TJP2: variants seen among roughly 807,000 people sequenced by gnomAD.
TJP2 encodes the protein tight junction protein 2.
Under a neutral mutation model 133.1 loss-of-function variants are expected in TJP2, and 91 were observed. That is an observed-to-expected ratio of 0.68 (90% confidence interval 0.58 to 0.81). The LOEUF is 0.81. TJP2 is among the 40% of genes least tolerant of loss of function. The pLI, the probability that TJP2 is intolerant of heterozygous loss-of-function variation, is 0.00. For synonymous variants in TJP2, 592 were observed against 583.4 expected (o/e 1.01, Z -0.21); for missense variants, 1,541 against 1,565.6 (o/e 0.98, Z 0.26).
At chr9:69,122,704 G>T (rs1352749021) in intron 1 of TJP2, among the ~76,000 whole-genome samples, 1 of 152,126 alleles carries the variant, frequency 6.6e-6, no homozygotes, top group Non-Finnish European at 1.5e-5. Context: ...TTTGCACGAG[G>T]GCTTTCTGCG....
At chr9:69,206,479 C>T (rs190247036) in intron 1 of TJP2, among the ~76,000 whole-genome samples, 11 of 152,294 alleles carry the variant, frequency 7.2e-5, no homozygotes, top group African/African-American at 1.9e-4. Flanking sequence ...TAAATATACT[C>T]GTACCTCTTG....
chr9:69,169,677 A>G (rs979499359), upstream of TJP2, among the ~76,000 whole-genome samples: 17 of 151,988 alleles, frequency 1.1e-4, no homozygotes, highest in African/African-American at 4.1e-4. Context: ...TAAACTTTTC[A>G]GTGTTAGTTT....
chr9:69,165,784 G>C (rs568460462), intron 2 of TJP2, among the ~76,000 whole-genome samples: 3 of 152,182 alleles, frequency 2.0e-5, no homozygotes, highest in Non-Finnish European at 4.4e-5. Context: ...GTCCTGCCAG[G>C]AAGAAGTGCT....
intron 1 of TJP2, among the ~76,000 whole-genome samples, chr9:69,194,827 A>C (rs1826433866): frequency 6.6e-6 from 1 of 152,198 alleles, no homozygotes; most frequent in Non-Finnish European, 1.5e-5. Context: ...TATTTTTAAC[A>C]GGCTCCCAGG....
intron 1 of TJP2, among the ~76,000 whole-genome samples, chr9:69,185,282 GAACTCC>G: frequency 6.6e-6 from 1 of 152,040 alleles, no homozygotes; most frequent in Non-Finnish European, 1.5e-5. Context: ...GGCTGGTCTC[GAACTCC>G]TGACCTCAGG....
intron 2 of TJP2, among the ~76,000 whole-genome samples, chr9:69,165,980 A>G (rs1173547791): frequency 2.0e-5 from 3 of 152,194 alleles, no homozygotes; most frequent in African/African-American, 7.2e-5. Flanking sequence ...TAAGTCACCT[A>G]GGAGTCTGCA....
rs2133328782 is a variant in TJP2, at chr9:69,228,112, C to A, written c.1451C>A (p.Pro484Gln). 2 of 1,603,478 alleles carry A rather than the reference C, an allele frequency of 1.2e-6. No homozygotes were observed. The highest frequency in any genetic ancestry group is 1.7e-6 in the Non-Finnish European group (2 of 1,174,672). The change falls in exon 9 of 23, where the codon CCA (proline) becomes CAA (glutamine). Residue 484 changes from proline (P) to glutamine (Q), a missense_variant and splice_region_variant. Transcript: ENST00000377245. ...GAACCCAGATACCAAGAGGACCCCC[C>A]AGGTGAGCCATTAAGACCACTCAGT... The part of the protein sequence containing the change: ...NKEPRYQEDP[P>Q]APQPKAAPRT...
intron 2 of TJP2, among the ~76,000 whole-genome samples, chr9:69,157,843 C>T (rs1246411802): frequency 6.6e-6 from 1 of 152,092 alleles, no homozygotes; most frequent in South Asian, 2.1e-4. Context: ...TACTCATGAA[C>T]CAACAAGACA....
In TJP2 at chr9:69,152,817, C is replaced by CTTTTTTTT. The variant is rs10543289; in HGVS notation, c.-10+1070_-10+1077dup. 9.3e-3 allele frequency among the ~76,000 whole-genome samples: 448 copies of CTTTTTTTT among 48,042 alleles called. 89 individuals are homozygous for CTTTTTTTT. The highest frequency in any genetic ancestry group is 0.013 in the Non-Finnish European group (319 of 25,232). The allele number at this position is 48,042 out of a possible 152,430, so 31.5% of individuals were successfully genotyped here. A position where few individuals can be genotyped will look rare whatever the true frequency, so the allele number is the denominator to read the frequency against. ...TTACTGAAATGTTCTCTCTGGAGCTCTTTTTTTTTTTTTTTTTTTTTTTTT... is the reference window on the plus strand; with the variant it reads ...TTACTGAAATGTTCTCTCTGGAGCTCTTTTTTTTTTTTTTTTTTTTTTTTTTTTTTTTT... On this transcript the variant is annotated intron_variant, in intron 2 of 5. Transcript: ENST00000423935.
chr9:69,194,317 T>C (rs1453291580), intron 1 of TJP2, among the ~76,000 whole-genome samples: 2 of 152,184 alleles, frequency 1.3e-5, no homozygotes, highest in African/African-American at 2.4e-5. Context: ...GCACTGTAAA[T>C]TGCTGAAAGT....
At position 69,137,048 on chromosome 9, in the gene TJP2, C is replaced by T. The variant is rs112092658; in HGVS notation, c.-130-14603C>T. ...AGGAGTCAGCCCTGCTGCGTAGGAG[C>T]TGTGCGATCCAGGCCAGGTTCCTTA... On this transcript the variant is annotated intron_variant, in intron 1 of 5. Transcript: ENST00000423935. Among the ~76,000 whole-genome samples, 90 of 152,304 alleles carry T rather than the reference C, an allele frequency of 5.9e-4. 1 individual carries two copies. Among genetic ancestry groups the T allele is most frequent in the African/African-American group, 2.2e-3 (90 of 41,556 alleles).
At chr9:69,212,219 T>C (rs56207218) in intron 1 of TJP2, among the ~76,000 whole-genome samples, 28,386 of 152,182 alleles carry the variant, frequency 0.19, 2,735 homozygotes, top group Middle Eastern at 0.23. Context: ...AAAAAGAATC[T>C]ATTTGAAACT....
Position 69,124,060 on chromosome 9 carries a change from T to C in TJP2, c.-131+2335T>C, listed in dbSNP as rs1421099157. Among the ~76,000 whole-genome samples the C allele has an allele frequency of 2.7e-5, 2 of 74,546 alleles. 1 individual carries two copies. Among genetic ancestry groups the C allele is most frequent in the Non-Finnish European group, 6.1e-5 (2 of 32,818 alleles). The allele number at this position is 74,546 out of a possible 152,430, so 48.9% of individuals were successfully genotyped here. ...TTTTTTTGAATTTTTTTTCTTTTTT[T>C]TAGTAGAGACGGGGTTTCACCGTGT... is the stretch of plus-strand genomic sequence containing the variant. On this transcript the variant is annotated intron_variant, in intron 1 of 5. Transcript: ENST00000423935.
At chr9:69,209,480 G>A (rs987592829) in intron 1 of TJP2, among the ~76,000 whole-genome samples, 3 of 152,036 alleles carry the variant, frequency 2.0e-5, no homozygotes, top group Admixed American at 6.5e-5. Context: ...TTGGCCGGGC[G>A]TAGTGGCTCA....
At chr9:69,178,191 A>G (rs1008210610) in intron 1 of TJP2, among the ~76,000 whole-genome samples, 10 of 152,172 alleles carry the variant, frequency 6.6e-5, no homozygotes, top group African/African-American at 1.2e-4. Context: ...TCTACCTTTT[A>G]TGCTATCCCA....
At position 69,240,127 on chromosome 9, in the gene TJP2, C is replaced by T. The variant is rs763461861; in HGVS notation, c.2546C>T (p.Thr849Met). The T allele has an allele frequency of 1.4e-5, 23 of 1,613,732 alleles. No homozygotes were observed. In the East Asian group the frequency reaches 1.8e-4, roughly 13 times the overall value. Residue 849 changes from threonine (T) to methionine (M), a missense_variant, in exon 17 of 23, where the codon ACG (threonine) becomes ATG (methionine). Coordinates refer to ENST00000377245, the MANE Select transcript of TJP2 (RefSeq NM_004817.4). ...LFDQANKLKK[T>M]CAHLFTATIN... ...GATCAAGCCAACAAGCTTAAAAAAA[C>T]GTGTGCACACCTTTTTACAGGTAAG...
intron 1 of TJP2, among the ~76,000 whole-genome samples, chr9:69,136,018 T>G (rs1241515941): frequency 3.3e-5 from 5 of 152,198 alleles, no homozygotes; most frequent in Non-Finnish European, 7.3e-5. Context: ...ATATTAGAGA[T>G]AGAAGGATGA....
At position 69,225,336 on chromosome 9, in the gene TJP2, G is replaced by A. The variant is rs140340673; in HGVS notation, c.985G>A (p.Val329Ile). 51 of 1,613,698 alleles carry A rather than the reference G, an allele frequency of 3.2e-5. No individual in the cohort carries two copies. Among genetic ancestry groups the A allele is most frequent in the African/African-American group, 2.4e-4 (18 of 74,908 alleles). Reference protein sequence around the residue: ...YGLRLGSQIFVKEMTRTGLAT... With the variant: ...YGLRLGSQIFIKEMTRTGLAT... ...TCTCCGGCTTGGGAGTCAGATCTTCGTAAAGGAAATGACCCGAACGGGTCT... is the reference window on the plus strand; with the variant it reads ...TCTCCGGCTTGGGAGTCAGATCTTCATAAAGGAAATGACCCGAACGGGTCT... Residue 329 changes from valine (V) to isoleucine (I), a missense_variant, in exon 6 of 23, where the codon GTA (valine) becomes ATA (isoleucine). Physicochemically the swap from Val to Ile is conservative, Grantham distance 29. Coordinates refer to ENST00000377245, the MANE Select transcript of TJP2 (RefSeq NM_004817.4).
intron 2 of TJP2, among the ~76,000 whole-genome samples, chr9:69,152,815 CTCT>C (rs1194880971): frequency 1.7e-4 from 15 of 87,354 alleles, no homozygotes; most frequent in East Asian, 1.1e-3. Flanking sequence ...CTCTCTGGAG[CTCT>C]TTTTTTTTTT....
Sources: allele counts gnomAD v4.1 joint callset (sites outside exome capture counted in the v4.1 genomes callset), GRCh38; gene constraint gnomAD v4.1.1; transcripts MANE v1.5; gene names NCBI Gene and HGNC (gene_info 2026-07-23, HGNC 2026-07-21).